PLCG2: variants seen among roughly 807,000 people sequenced by gnomAD.
PLCG2 encodes the protein 1-phosphatidylinositol 4,5-bisphosphate phosphodiesterase gamma-2.
In PLCG2, 69 loss-of-function variants were observed where a neutral mutation model predicts 175.6. The ratio of observed to expected loss-of-function variants is 0.39; its 90% CI spans 0.32 to 0.48. The LOEUF (loss-of-function observed/expected upper bound fraction) is 0.48, where lower values mean the gene tolerates loss of function less well. Among genes scored for constraint, PLCG2 ranks in the 20% least tolerant of loss-of-function variants. The pLI, the probability that PLCG2 is intolerant of heterozygous loss-of-function variation, is 0.91. For synonymous variants in PLCG2, 827 were observed against 624.0 expected, an observed-to-expected ratio of 1.33 and a Z score of -4.85; for missense variants, 1,798 against 1,650.9, an observed-to-expected ratio of 1.09 and a Z score of -1.54.
intron 5 of PLCG2, among the ~76,000 whole-genome samples, chr16:81,860,519 G>C (rs993367685): frequency 3.9e-5 from 6 of 152,118 alleles, no homozygotes; most frequent in Non-Finnish European, 5.9e-5. Context: ...ACCCTTTCCT[G>C]ATGATTTATT....
intron 2 of PLCG2, among the ~76,000 whole-genome samples, chr16:81,836,667 G>T (rs1905534097): frequency 6.6e-6 from 1 of 152,204 alleles, no homozygotes; most frequent in Non-Finnish European, 1.5e-5. Flanking sequence ...CTTGAACTCA[G>T]GAGGCTGAGG....
intron 2 of PLCG2, among the ~76,000 whole-genome samples, chr16:81,840,513 C>T (rs1905765401): frequency 6.6e-6 from 1 of 152,154 alleles, no homozygotes; most frequent in African/African-American, 2.4e-5. Context: ...AGCTTGTTTT[C>T]CTGCAACTAG....
intron 2 of PLCG2, among the ~76,000 whole-genome samples, chr16:81,766,523 C>A (rs911109266): frequency 6.6e-6 from 1 of 151,390 alleles, no homozygotes; most frequent in African/African-American, 2.4e-5. Context: ...TCAGGTCACC[C>A]TCCTCCAAGA....
At chr16:81,776,743 G>A (rs1482249362), upstream of PLCG2, among the ~76,000 whole-genome samples, 1 of 152,146 alleles carries the variant, frequency 6.6e-6, no homozygotes, top group Non-Finnish European at 1.5e-5. Flanking sequence ...TTAGTAGAGA[G>A]GGTGTTTTAC....
intron 1 of PLCG2, among the ~76,000 whole-genome samples, chr16:81,753,182 G>A (rs1909847733): frequency 6.6e-6 from 1 of 152,032 alleles, no homozygotes; most frequent in Non-Finnish European, 1.5e-5. Context: ...CGCCACCTCA[G>A]CCTGGCTTCC....
intron 1 of PLCG2, among the ~76,000 whole-genome samples, chr16:81,782,696 C>G (rs55848326): frequency 1.3e-5 from 2 of 151,956 alleles, no homozygotes; most frequent in African/African-American, 2.4e-5. Context: ...GGAAGTTTTT[C>G]TCTTCAGTGC....
intron 5 of PLCG2, among the ~76,000 whole-genome samples, chr16:81,867,744 C>T (rs1937799848): frequency 6.6e-6 from 1 of 152,120 alleles, no homozygotes; most frequent in Middle Eastern, 3.4e-3. Context: ...GTCACCCAGG[C>T]TGGAGTGCAG....
intron 31 of PLCG2, among the ~76,000 whole-genome samples, chr16:81,950,923 C>T (rs1004317224): frequency 1.3e-5 from 2 of 151,754 alleles, no homozygotes; most frequent in Non-Finnish European, 3.0e-5. Context: ...GAGATAGAAA[C>T]CAACTGAATA....
intron 2 of PLCG2, among the ~76,000 whole-genome samples, chr16:81,837,835 G>A (rs1258474852): frequency 2.0e-5 from 3 of 151,982 alleles, no homozygotes; most frequent in Non-Finnish European, 4.4e-5. Flanking sequence ...GTAATATCTT[G>A]CAAACCTGTA....
chr16:81,878,683 T>C lies in PLCG2; in HGVS notation c.649-2227T>C, dbSNP rs1021285786. ...GCACGTCAGCCATCACCTCCATGTG[T>C]TGCGAATCCAGAAGTCTGCCCCGTG... is the stretch of plus-strand genomic sequence containing the variant. On this transcript the variant is annotated intron_variant, in intron 7 of 32. Transcript: ENST00000564138. 5.9e-5 allele frequency among the ~76,000 whole-genome samples: 9 copies of C among 152,202 alleles called. No homozygotes were observed. In the East Asian group the frequency reaches 1.7e-3, roughly 29 times the overall value.
At chr16:81,917,823 G>A (rs1318926102) in intron 19 of PLCG2, among the ~76,000 whole-genome samples, 2 of 152,156 alleles carry the variant, frequency 1.3e-5, no homozygotes, top group Admixed American at 6.5e-5. Flanking sequence ...CTGGGTTCAC[G>A]CCATTCTCTT....
At chr16:81,953,645 A>G (rs1309401420) in intron 31 of PLCG2, among the ~76,000 whole-genome samples, 2 of 152,244 alleles carry the variant, frequency 1.3e-5, no homozygotes, top group East Asian at 3.8e-4. Flanking sequence ...AATCCAGGAA[A>G]TAAGTATCAC....
intron 2 of PLCG2, among the ~76,000 whole-genome samples, chr16:81,816,187 A>G (rs1303837968): frequency 6.6e-6 from 1 of 152,162 alleles, no homozygotes; most frequent in African/African-American, 2.4e-5. Flanking sequence ...CCTGGCCAAT[A>G]TGGTGAAACT....
intron 2 of PLCG2, among the ~76,000 whole-genome samples, chr16:81,791,278 G>A (rs1174884737): frequency 6.6e-6 from 1 of 152,134 alleles, no homozygotes; most frequent in Non-Finnish European, 1.5e-5. Context: ...GTGAGGAATG[G>A]GGAGGGCTCA....
chr16:81,846,404 A>G (rs1452935440), intron 2 of PLCG2, among the ~76,000 whole-genome samples: 2 of 152,344 alleles, frequency 1.3e-5, no homozygotes, highest in Admixed American at 6.5e-5. Context: ...CTCTCCCAGT[A>G]AACACTTGAG....
chr16:81,841,159 A>G (rs895712323), intron 2 of PLCG2, among the ~76,000 whole-genome samples: 1 of 152,182 alleles, frequency 6.6e-6, no homozygotes, highest in African/African-American at 2.4e-5. Flanking sequence ...TTTAACAAAG[A>G]AGATAAGGGC....
intron 2 of PLCG2, among the ~76,000 whole-genome samples, chr16:81,787,096 G>A (rs988638873): frequency 6.6e-6 from 1 of 152,094 alleles, no homozygotes; most frequent in Non-Finnish European, 1.5e-5. Flanking sequence ...ATTCTTTCTT[G>A]GACACATGAC....
intron 1 of PLCG2, among the ~76,000 whole-genome samples, chr16:81,781,544 T>TC (rs1343572776): frequency 5.9e-5 from 9 of 152,220 alleles, no homozygotes; most frequent in African/African-American, 2.2e-4. Context: ...GTGTTTTGCT[T>TC]TTTAGTAGCT....
At chr16:81,938,729 C>G in intron 28 of PLCG2, 72 bp from the exon 29 acceptor site, 2 of 853,866 alleles carry the variant, frequency 2.3e-6, no homozygotes, top group Non-Finnish European at 1.9e-6. Context: ...CTCTAGAACC[C>G]AGCTGCAATC....
Sources: allele counts gnomAD v4.1 joint callset (sites outside exome capture counted in the v4.1 genomes callset), GRCh38; gene constraint gnomAD v4.1.1; transcripts MANE v1.5; gene names NCBI Gene and HGNC (gene_info 2026-07-23, HGNC 2026-07-21).